Variants in GALNT2 observed in about 807,000 individuals in gnomAD.
GALNT2 encodes UDP-GalNAc:polypeptide N-acetylgalactosaminyltransferase 2.
GALNT2 carries 31 observed loss-of-function variants against 81.4 expected under a neutral mutation model. The ratio of observed to expected loss-of-function variants is 0.38; its 90% CI spans 0.29 to 0.51. The LOEUF (loss-of-function observed/expected upper bound fraction) is 0.51. Among genes scored for constraint, GALNT2 ranks in the 20% least tolerant of loss-of-function variants. The probability of loss-of-function intolerance (pLI) is 0.87; values close to 1 mark genes in which losing one functional copy is unlikely to be tolerated. For synonymous variants in GALNT2, 303 were observed against 287.4 expected (o/e 1.05, Z -0.55); for missense variants, 629 against 765.7 (o/e 0.82, Z 2.11).
chr1:230,125,560 G>T (rs773506820), intron 1 of GALNT2, among the ~76,000 whole-genome samples: 1 of 152,298 alleles, frequency 6.6e-6, no homozygotes, highest in Non-Finnish European at 1.5e-5. Flanking sequence ...GTGGGATTTC[G>T]TCAATAATGC....
chr1:230,169,205 A>C (rs1370258393), intron 1 of GALNT2, among the ~76,000 whole-genome samples: 1 of 152,234 alleles, frequency 6.6e-6, no homozygotes, highest in Non-Finnish European at 1.5e-5. Context: ...TAACTGGAAG[A>C]GGAGTAAAGG....
At chr1:230,192,365 G>A (rs959250829) in intron 2 of GALNT2, among the ~76,000 whole-genome samples, 6 of 152,318 alleles carry the variant, frequency 3.9e-5, no homozygotes, top group African/African-American at 1.4e-4. Context: ...GTGTGGACAA[G>A]GTCTTGTATG....
At chr1:230,065,976 T>C (rs1659163830), upstream of GALNT2, among the ~76,000 whole-genome samples, 1 of 152,246 alleles carries the variant, frequency 6.6e-6, no homozygotes, top group Non-Finnish European at 1.5e-5. Flanking sequence ...GGACTTTCTA[T>C]TTATAAAGAG....
chr1:230,187,157 G>A (rs1310096573), intron 2 of GALNT2, among the ~76,000 whole-genome samples: 1 of 152,208 alleles, frequency 6.6e-6, no homozygotes, highest in Non-Finnish European at 1.5e-5. Flanking sequence ...CCCACTGACA[G>A]ATGAAGGAGC....
chr1:230,144,138 G>T (rs988942835), intron 1 of GALNT2, among the ~76,000 whole-genome samples: 33 of 152,188 alleles, frequency 2.2e-4, no homozygotes, highest in African/African-American at 6.5e-4. Flanking sequence ...GGCAGAGCAG[G>T]TTGGGGTAGG....
intron 8 of GALNT2, 25 bp downstream of exon 8, chr1:230,246,175 G>A: frequency 6.4e-7 from 1 of 1,551,484 alleles, no homozygotes; most frequent in Non-Finnish European, 8.9e-7. Flanking sequence ...TGGTGCCCCT[G>A]CCTAGCTCGT....
At position 230,140,259 on chromosome 1, in the gene GALNT2, G is replaced by T. The variant is rs141188892; in HGVS notation, c.127-37959G>T. ...TGCCAGCCTGTGCTTCATGTTTGGA[G>T]ACAGGTGATGGTTAACCAGGCAACA... On this transcript the variant is annotated intron_variant, in intron 1 of 15. Coordinates refer to ENST00000366672, the MANE Select transcript of GALNT2 (RefSeq NM_004481.5). Among the ~76,000 whole-genome samples, 89 of 152,258 alleles carry T rather than the reference G, an allele frequency of 5.8e-4. 1 individual carries two copies. The highest frequency in any genetic ancestry group is 2.1e-3 in the African/African-American group (86 of 41,558).
At chr1:230,204,086 TC>T (rs1444692029) in intron 3 of GALNT2, among the ~76,000 whole-genome samples, 1 of 152,086 alleles carries the variant, frequency 6.6e-6, no homozygotes, top group Non-Finnish European at 1.5e-5. Flanking sequence ...TAAGTGATCC[TC>T]CCGCCTTAGC....
At chr1:230,141,088 G>T (rs549322583) in intron 1 of GALNT2, among the ~76,000 whole-genome samples, 72 of 152,306 alleles carry the variant, frequency 4.7e-4, no homozygotes, top group African/African-American at 1.7e-3. Flanking sequence ...AAGACATTCT[G>T]TTTCTTCAAG....
Position 230,275,947 on chromosome 1 carries a change from T to G in GALNT2, c.1560+1383T>G, listed in dbSNP as rs1263647379. 6.7e-6 allele frequency among the ~76,000 whole-genome samples: 1 copy of G among 148,624 alleles called. No individual in the cohort carries two copies. Among genetic ancestry groups the G allele is most frequent in the Non-Finnish European group, 1.5e-5 (1 of 67,426 alleles). On this transcript the variant is annotated intron_variant, in intron 15 of 15. Coordinates refer to ENST00000366672, the MANE Select transcript of GALNT2 (RefSeq NM_004481.5). This position sits in a 1 kb window ranked among gnomAD's most constrained non-coding sequence, Gnocchi z 5.5. Reference sequence around the variant, plus strand: ...GATACATACATATATACATGCCACATATATATACGTATATATACATGCCAC... The same window carrying G: ...GATACATACATATATACATGCCACAGATATATACGTATATATACATGCCAC...
chr1:230,147,164 A>G (rs369993088), intron 1 of GALNT2, among the ~76,000 whole-genome samples: 3 of 152,300 alleles, frequency 2.0e-5, no homozygotes, highest in African/African-American at 7.2e-5. Context: ...GAGATTTCAG[A>G]CCATGATTCT....
At chr1:230,247,529 G>A (rs913453254) in intron 8 of GALNT2, among the ~76,000 whole-genome samples, 1 of 152,222 alleles carries the variant, frequency 6.6e-6, no homozygotes, top group African/African-American at 2.4e-5. Flanking sequence ...CCAGCAAATG[G>A]TGAGAAGTAA....
chr1:230,067,039 A>AC (rs1193837983), upstream of GALNT2, among the ~76,000 whole-genome samples: 23 of 145,238 alleles, frequency 1.6e-4, no homozygotes, highest in East Asian at 4.1e-4. Flanking sequence ...TTGCTCCCTG[A>AC]CCCCCCTCGC....
At chr1:230,233,724 T>A (rs188251111) in intron 3 of GALNT2, among the ~76,000 whole-genome samples, 1 of 152,316 alleles carries the variant, frequency 6.6e-6, no homozygotes, top group Admixed American at 6.5e-5. Context: ...AATCTTTATG[T>A]CAGCTGAAAT....
At chr1:230,181,795 G>A (rs1663168466) in intron 2 of GALNT2, among the ~76,000 whole-genome samples, 1 of 152,224 alleles carries the variant, frequency 6.6e-6, no homozygotes, top group African/African-American at 2.4e-5. Context: ...TCTTCTGGAA[G>A]AGATTGTAGA....
chr1:230,097,890 G>T (rs781255208), intron 1 of GALNT2, among the ~76,000 whole-genome samples: 3 of 152,158 alleles, frequency 2.0e-5, no homozygotes, highest in Admixed American at 2.0e-4. Context: ...AGGTTTGGTC[G>T]CTATACAACA....
At chr1:230,168,260 A>G (rs1662677650) in intron 1 of GALNT2, among the ~76,000 whole-genome samples, 1 of 152,230 alleles carries the variant, frequency 6.6e-6, no homozygotes, top group Non-Finnish European at 1.5e-5. Flanking sequence ...AGGAATGGGA[A>G]GTTATCACCA....
rs147767883 is a variant in GALNT2, at chr1:230,074,943, C to T, written c.126+7537C>T. 6.7e-4 allele frequency among the ~76,000 whole-genome samples: 101 copies of T among 151,800 alleles called. No homozygotes were observed. In the South Asian group the frequency reaches 0.01, roughly 16 times the overall value. On this transcript the variant is annotated intron_variant, in intron 1 of 15. Coordinates refer to ENST00000366672, the MANE Select transcript of GALNT2 (RefSeq NM_004481.5). ...GTGGGGTTTTTCTGCAACTCCTGGCCGAGGGTTTCTGCCAGCCAGCAGTGA... is the reference window on the plus strand; with the variant it reads ...GTGGGGTTTTTCTGCAACTCCTGGCTGAGGGTTTCTGCCAGCCAGCAGTGA...
In GALNT2 at chr1:230,257,718, A is replaced by G. The variant is rs560702224; in HGVS notation, c.1136+2374A>G. Among the ~76,000 whole-genome samples, 4 of 152,176 alleles carry G rather than the reference A, an allele frequency of 2.6e-5. No homozygotes were observed. Among genetic ancestry groups the G allele is most frequent in the African/African-American group, 9.6e-5 (4 of 41,526 alleles). On this transcript the variant is annotated intron_variant, in intron 11 of 15. Transcript: ENST00000366672. The surrounding 1 kb of genome is among the most constrained non-coding windows in gnomAD (Gnocchi z 4.6). ...CTGGAGCAGGTGTGTAGCAGTGGAG[A>G]TGGGGTGAGATCCAGCTCCATGGTG... is the stretch of plus-strand genomic sequence containing the variant.
Sources: allele counts gnomAD v4.1 joint callset (sites outside exome capture counted in the v4.1 genomes callset), GRCh38; gene constraint gnomAD v4.1.1; non-coding constraint Gnocchi (gnomAD v3.1); transcripts MANE v1.5; gene names NCBI Gene and HGNC (gene_info 2026-07-23, HGNC 2026-07-21).